Variants in JMJD1C observed in about 807,000 individuals in gnomAD.
The protein encoded by JMJD1C is jumonji domain containing 1C, also known as jumonji domain-containing protein 1C.
In JMJD1C, 31 loss-of-function variants were observed where a neutral mutation model predicts 245.3. The observed-to-expected ratio is 0.13, with a 90% CI of 0.09 to 0.17. JMJD1C has a LOEUF of 0.17. Among genes scored for constraint, JMJD1C ranks in the 10% least tolerant of loss-of-function variants. JMJD1C has a pLI of 1.00. For synonymous variants in JMJD1C, 1,057 were observed against 1,017.4 expected, an observed-to-expected ratio of 1.04 and a Z score of -0.74; for missense variants, 2,691 against 3,000.2, an observed-to-expected ratio of 0.90 and a Z score of 2.41.
At chr10:63,481,581 G>A (rs544829607) in intron 1 of JMJD1C, among the ~76,000 whole-genome samples, 3 of 152,214 alleles carry the variant, frequency 2.0e-5, no homozygotes, top group African/African-American at 7.2e-5. Context: ...GTCAATTATA[G>A]ATTATCTAAA....
chr10:63,380,161 C>A (rs1324548439), intron 2 of JMJD1C, 157 bp downstream of exon 2: 3 of 601,426 alleles, frequency 5.0e-6, no homozygotes, highest in East Asian at 3.2e-5. Flanking sequence ...CCAGGCTGAT[C>A]TCCAACTCCT....
intron 2 of JMJD1C, among the ~76,000 whole-genome samples, chr10:63,280,211 G>A (rs557697788): frequency 1.3e-5 from 2 of 151,960 alleles, no homozygotes; most frequent in Non-Finnish European, 2.9e-5. Flanking sequence ...TGTTTTGCCT[G>A]GGGAAGAGAA....
intron 1 of JMJD1C, among the ~76,000 whole-genome samples, chr10:63,474,978 G>A (rs566307069): frequency 6.6e-6 from 1 of 152,286 alleles, no homozygotes; most frequent in Non-Finnish European, 1.5e-5. Flanking sequence ...CCATGGGGGT[G>A]GGTAGTATTG....
intron 1 of JMJD1C, among the ~76,000 whole-genome samples, chr10:63,515,310 A>C (rs1954984787): frequency 6.6e-6 from 1 of 152,230 alleles, no homozygotes; most frequent in African/African-American, 2.4e-5. Flanking sequence ...GGCCTTGTTA[A>C]GAACAGAATA....
At chr10:63,393,426 T>C (rs543309280) in intron 1 of JMJD1C, among the ~76,000 whole-genome samples, 6 of 152,192 alleles carry the variant, frequency 3.9e-5, no homozygotes, top group African/African-American at 1.2e-4. Flanking sequence ...GGTACTCTCA[T>C]ATACTGTTGA....
chr10:63,345,598 T>C (rs576675970), intron 2 of JMJD1C, among the ~76,000 whole-genome samples: 1 of 152,140 alleles, frequency 6.6e-6, no homozygotes, highest in Non-Finnish European at 1.5e-5. Context: ...TGAAAGGTTA[T>C]ATACTTTATC....
In JMJD1C at chr10:63,465,750, A is replaced by T; in HGVS notation, c.-88T>A. ...CCTACCGGCCGCTCATGCTGAGGAGAGCGGACCGGGACACAGCAGCGGACC... is the reference window on the plus strand; with the variant it reads ...CCTACCGGCCGCTCATGCTGAGGAGTGCGGACCGGGACACAGCAGCGGACC... On this transcript the variant is annotated 5_prime_UTR_variant, in exon 1 of 26. Coordinates refer to ENST00000399262, the MANE Select transcript of JMJD1C (RefSeq NM_032776.3). 1 of 1,480,496 alleles carries T rather than the reference A, an allele frequency of 6.8e-7. No individual in the cohort carries two copies. Among genetic ancestry groups the T allele is most frequent in the East Asian group, 2.3e-5 (1 of 43,672 alleles). 91.7% of individuals were successfully genotyped at this position (1,480,496 alleles called of 1,614,324 possible). A position where few individuals can be genotyped will look rare whatever the true frequency, so the allele number is the denominator to read the frequency against.
At chr10:63,333,671 T>C (rs949851099) in intron 2 of JMJD1C, among the ~76,000 whole-genome samples, 2 of 152,206 alleles carry the variant, frequency 1.3e-5, no homozygotes, top group African/African-American at 4.8e-5. Flanking sequence ...TCTAATTTAA[T>C]TGTAATCTAC....
upstream of JMJD1C, among the ~76,000 whole-genome samples, chr10:63,467,494 G>A (rs1227279462): frequency 3.9e-5 from 6 of 152,148 alleles, no homozygotes; most frequent in African/African-American, 1.4e-4. Context: ...GTCAACAAGA[G>A]CAAAACTCAG....
At chr10:63,296,848 G>C (rs1564749370) in intron 2 of JMJD1C, among the ~76,000 whole-genome samples, 2 of 152,150 alleles carry the variant, frequency 1.3e-5, no homozygotes, top group African/African-American at 2.4e-5. Context: ...TAAAAGAAAA[G>C]GGGGTGGAGG....
chr10:63,307,231 T>G (rs546926043), intron 2 of JMJD1C, among the ~76,000 whole-genome samples: 2 of 152,244 alleles, frequency 1.3e-5, no homozygotes, highest in African/African-American at 2.4e-5. Context: ...ATGCTGAGAT[T>G]TACAAAAATA....
intron 1 of JMJD1C, among the ~76,000 whole-genome samples, chr10:63,500,532 G>A (rs545006153): frequency 3.2e-4 from 49 of 152,048 alleles, no homozygotes; most frequent in Admixed American, 3.1e-3. Flanking sequence ...TCAGGAGTTC[G>A]AGACCAGCCT....
chr10:63,462,648 A>C lies in JMJD1C; in HGVS notation c.168+2847T>G, dbSNP rs1186426862. Among the ~76,000 whole-genome samples the C allele has an allele frequency of 5.9e-5, 9 of 152,200 alleles. No homozygotes were observed. In the South Asian group the frequency reaches 6.2e-4, roughly 10 times the overall value. ...GTTAGAAGGAGATGACTAGGGAAAA[A>C]CGGTCAGAGAGATACAACTTGGTTG... On this transcript the variant is annotated intron_variant, in intron 1 of 25. Coordinates refer to ENST00000399262, the MANE Select transcript of JMJD1C (RefSeq NM_032776.3).
intron 1 of JMJD1C, among the ~76,000 whole-genome samples, chr10:63,520,762 G>C (rs1330036454): frequency 6.6e-6 from 1 of 152,172 alleles, no homozygotes; most frequent in Non-Finnish European, 1.5e-5. Context: ...GGTGCCCTAA[G>C]AGGCCCAGAA....
At chr10:63,480,923 C>T (rs1194475354) in intron 1 of JMJD1C, among the ~76,000 whole-genome samples, 1 of 152,268 alleles carries the variant, frequency 6.6e-6, no homozygotes, top group East Asian at 1.9e-4. Flanking sequence ...GCATTTTCAT[C>T]GCCTACCATA....
intron 1 of JMJD1C, among the ~76,000 whole-genome samples, chr10:63,444,449 T>C (rs1470635891): frequency 6.6e-6 from 1 of 151,854 alleles, no homozygotes; most frequent in Non-Finnish European, 1.5e-5. Context: ...AATTTTTGTA[T>C]TTTTAGTAGA....
At chr10:63,341,635 C>G (rs574761840) in intron 2 of JMJD1C, among the ~76,000 whole-genome samples, 1 of 152,188 alleles carries the variant, frequency 6.6e-6, no homozygotes, top group Admixed American at 6.5e-5. Context: ...TGCAGAGAAG[C>G]TGGACAGAAT....
chr10:63,468,382 C>T (rs1419319015), upstream of JMJD1C, among the ~76,000 whole-genome samples: 2 of 151,942 alleles, frequency 1.3e-5, no homozygotes, highest in Non-Finnish European at 2.9e-5. Context: ...TTTTTTGCTT[C>T]GTTTTGTATT....
intron 1 of JMJD1C, among the ~76,000 whole-genome samples, chr10:63,393,656 G>C (rs1388345160): frequency 6.6e-6 from 1 of 152,058 alleles, no homozygotes; most frequent in East Asian, 1.9e-4. Context: ...AGATGAATAG[G>C]TGAAGAAAAT....
Sources: allele counts gnomAD v4.1 joint callset (sites outside exome capture counted in the v4.1 genomes callset), GRCh38; gene constraint gnomAD v4.1.1; transcripts MANE v1.5; gene names NCBI Gene and HGNC (gene_info 2026-07-23, HGNC 2026-07-21).